CD36: variants seen among roughly 807,000 people sequenced by gnomAD.
The protein encoded by CD36 is CD36 molecule (CD36 blood group), also known as platelet glycoprotein 4.
Under a neutral mutation model 55.2 loss-of-function variants are expected in CD36, and 119 were observed. The ratio of observed to expected loss-of-function variants is 2.15; its 90% CI spans 1.86 to 2.51. The LOEUF (loss-of-function observed/expected upper bound fraction) is 2.51, where lower values mean the gene tolerates loss of function less well. Ranked by LOEUF, CD36 falls within the 30% of genes most tolerant of loss-of-function variation. The pLI is 0.00. For synonymous variants in CD36, 186 were observed against 193.6 expected, an observed-to-expected ratio of 0.96 and a Z score of 0.33; for missense variants, 819 against 555.5, an observed-to-expected ratio of 1.47 and a Z score of -4.77.
chr7:80,629,516 G>C (rs73378947), intron 1 of CD36, among the ~76,000 whole-genome samples: 4 of 151,896 alleles, frequency 2.6e-5, no homozygotes, highest in African/African-American at 9.7e-5. Flanking sequence ...AGAAACTTTC[G>C]AATCTTTCCC....
Position 80,674,152 on chromosome 7 carries a change from G to C in CD36, c.*5G>C. On this transcript the variant is annotated splice_donor_5th_base_variant and intron_variant, in intron 14 of 14. Coordinates refer to ENST00000447544, the MANE Select transcript of CD36 (RefSeq NM_001001548.3). The stretch of plus-strand genomic sequence containing the variant: ...AGATCGAAAACAATAAAATAAGTAA[G>C]TATGTACCAAAAAATATTGCTTCAA... The C allele has an allele frequency of 6.3e-7, 1 of 1,597,946 alleles. No individual in the cohort carries two copies.
intron 7 of CD36, chr7:80,666,101 C>CTGAG (rs1321391300): frequency 6.6e-6 from 2 of 300,766 alleles, no homozygotes; most frequent in Admixed American, 9.2e-5. Flanking sequence ...ACTTATACTA[C>CTGAG]TGAGTAATTC....
At chr7:80,646,542 G>A in intron 2 of CD36, 110 bp from the exon 3 acceptor site, 1 of 623,016 alleles carries the variant, frequency 1.6e-6, no homozygotes, top group South Asian at 2.0e-5. Context: ...AAAAGCATTT[G>A]TTTATTTAGA....
At chr7:80,656,986 A>T in intron 4 of CD36, among the ~76,000 whole-genome samples, 1 of 152,170 alleles carries the variant, frequency 6.6e-6, no homozygotes, top group East Asian at 1.9e-4. Flanking sequence ...AGTATCAAAT[A>T]ACTTCCCTAT....
chr7:80,677,248 T>C lies in CD36; in HGVS notation c.*865T>C, dbSNP rs1346954484. The C allele has an allele frequency of 6.6e-6, 1 of 152,198 alleles. No homozygotes were observed. The highest frequency in any genetic ancestry group is 1.5e-5 in the Non-Finnish European group (1 of 68,038). The allele number at this position is 152,198 out of a possible 1,614,324, so 9.4% of individuals were successfully genotyped here. A position where few individuals can be genotyped will look rare whatever the true frequency, so the allele number is the denominator to read the frequency against. ...AGGACAATTGCAAAGGTTTTTCCTT[T>C]TTCATAAGGAGACACATTAATAGGT... On this transcript the variant is annotated 3_prime_UTR_variant, in exon 15 of 15. Transcript: ENST00000447544.
Position 80,663,109 on chromosome 7 carries a change from G to A in CD36, c.549G>A (p.Arg183=). Residue 183 remains arginine (R), a synonymous_variant, in exon 6 of 15, where the codon AGG becomes AGA. Transcript: ENST00000447544. The part of the protein sequence containing the change: ...RTLRELLWGY[R]DPFLSLVPYP... ...TGAGAGAACTGTTATGGGGCTATAG[G>A]GATCCATTTTTGAGTTTGGTTCCGT... The A allele has an allele frequency of 1.9e-6, 3 of 1,613,648 alleles. No homozygotes were observed. The highest frequency in any genetic ancestry group is 2.5e-6 in the Non-Finnish European group (3 of 1,179,776).
At chr7:80,670,178 A>T in intron 9 of CD36, 156 bp downstream of exon 9, 1 of 628,906 alleles carries the variant, frequency 1.6e-6, no homozygotes, top group Non-Finnish European at 2.8e-6. Context: ...TAATAGTACA[A>T]ATTTTTTTTT....
At chr7:80,613,236 G>A (rs970584911) in intron 1 of CD36, among the ~76,000 whole-genome samples, 1 of 151,990 alleles carries the variant, frequency 6.6e-6, no homozygotes, top group Non-Finnish European at 1.5e-5. Flanking sequence ...AACATGAGCT[G>A]CATGATAAAT....
At position 80,677,647 on chromosome 7, in the gene CD36, AT is replaced by A; in HGVS notation, c.*1265del. ...TAATATGTAAGATAACATTGTAGAC[AT>A]GTTCTTCTGATAATACAAGGTTTAT... On this transcript the variant is annotated 3_prime_UTR_variant, in exon 15 of 15. Coordinates refer to ENST00000447544, the MANE Select transcript of CD36 (RefSeq NM_001001548.3). The A allele has an allele frequency of 6.6e-6, 1 of 152,282 alleles. No individual in the cohort carries two copies. The highest frequency in any genetic ancestry group is 1.9e-4 in the East Asian group (1 of 5,174). The allele number at this position is 152,282 out of a possible 1,614,324, so 9.4% of individuals were successfully genotyped here. A position where few individuals can be genotyped will look rare whatever the true frequency, so the allele number is the denominator to read the frequency against.
chr7:80,627,551 A>G (rs911421232), intron 1 of CD36, among the ~76,000 whole-genome samples: 27 of 151,832 alleles, frequency 1.8e-4, no homozygotes, highest in Middle Eastern at 3.2e-3. Context: ...AAAGGAATCA[A>G]ACTCTTATCA....
chr7:80,604,933 T>G (rs976665985), intron 1 of CD36, among the ~76,000 whole-genome samples: 1 of 152,110 alleles, frequency 6.6e-6, no homozygotes, highest in Non-Finnish European at 1.5e-5. Flanking sequence ...GGAGGTTCCT[T>G]TGGTCCCATG....
chr7:80,658,403 G>T (rs1449124231), intron 4 of CD36, among the ~76,000 whole-genome samples: 1 of 139,958 alleles, frequency 7.1e-6, no homozygotes, highest in African/African-American at 2.5e-5. Flanking sequence ...CTGAGTAAGT[G>T]TGAGGAAAGA....
Position 80,672,777 on chromosome 7 carries a change from G to T in CD36, c.1133G>T (p.Gly378Val), listed in dbSNP as rs146027667. The T allele has an allele frequency of 3.5e-4, 569 of 1,607,108 alleles. 2 individuals carry two copies. The Middle Eastern group carries it at 5.0e-3, about 14-fold the overall frequency. Residue 378 changes from glycine to valine, a missense_variant, in exon 12 of 15, where the codon GGA becomes GTA. Transcript: ENST00000447544. ...TAGTTGTTCTCTTTTTAGATAACTGGATTCACTTTACAATTTGCAAAACGG... is the reference window on the plus strand; with the variant it reads ...TAGTTGTTCTCTTTTTAGATAACTGTATTCACTTTACAATTTGCAAAACGG... The part of the protein sequence containing the change: ...RTYLDIEPIT[G>V]FTLQFAKRLQ...
chr7:80,628,664 G>T (rs929836995), intron 1 of CD36, among the ~76,000 whole-genome samples: 1 of 151,994 alleles, frequency 6.6e-6, no homozygotes, highest in African/African-American at 2.4e-5. Context: ...GTATCAGCTT[G>T]GGTGCTTTCA....
intron 9 of CD36, 189 bp from the exon 10 acceptor site, chr7:80,670,785 CAAG>C (rs1297251210): frequency 1.5e-5 from 9 of 582,666 alleles, no homozygotes; most frequent in Admixed American, 3.1e-5. Context: ...ACTTCACAAA[CAAG>C]AATAGTTCAT....
intron 3 of CD36, among the ~76,000 whole-genome samples, chr7:80,655,479 G>A (rs1795980505): frequency 6.6e-6 from 1 of 152,078 alleles, no homozygotes; most frequent in Admixed American, 6.6e-5. Flanking sequence ...TCTCTTATTG[G>A]TGTATTTTCC....
intron 6 of CD36, among the ~76,000 whole-genome samples, chr7:80,663,750 T>C (rs1796747172): frequency 1.3e-5 from 2 of 152,136 alleles, no homozygotes; most frequent in Admixed American, 1.3e-4. Flanking sequence ...TACCGCTTAA[T>C]GTTTTGAATT....
At chr7:80,672,712 G>T in intron 11 of CD36, 58 bp from the exon 12 acceptor site, 1 of 1,200,336 alleles carries the variant, frequency 8.3e-7, no homozygotes, top group Non-Finnish European at 1.2e-6. Flanking sequence ...AATAAGTTTT[G>T]AATAGTATAA....
At chr7:80,661,422 A>AT (rs1040595742) in intron 5 of CD36, among the ~76,000 whole-genome samples, 3 of 152,102 alleles carry the variant, frequency 2.0e-5, no homozygotes, top group Non-Finnish European at 4.4e-5. Flanking sequence ...TTTTTTCATT[A>AT]TTTTTTGTCG....
Sources: allele counts gnomAD v4.1 joint callset (sites outside exome capture counted in the v4.1 genomes callset), GRCh38; gene constraint gnomAD v4.1.1; transcripts MANE v1.5; gene names NCBI Gene and HGNC (gene_info 2026-07-23, HGNC 2026-07-21).